Variants in UBE2R2 observed in about 807,000 individuals in gnomAD.
The protein encoded by UBE2R2 is ubiquitin-conjugating enzyme E2 R2.
Under a neutral mutation model 27.8 loss-of-function variants are expected in UBE2R2, and 1 was observed. The observed-to-expected ratio is 0.04, with a 90% CI of 0.01 to 0.17. The LOEUF (loss-of-function observed/expected upper bound fraction) is 0.17, where lower values mean the gene tolerates loss of function less well. Ranked by LOEUF, UBE2R2 falls within the 10% of genes least tolerant of loss-of-function variation. The pLI, the probability that UBE2R2 is intolerant of heterozygous loss-of-function variation, is 1.00. For synonymous variants in UBE2R2, 106 were observed against 113.3 expected (o/e 0.94, Z 0.41); for missense variants, 100 against 291.0 (o/e 0.34, Z 4.78).
At chr9:33,847,540 G>A (rs935714279) in intron 1 of UBE2R2, among the ~76,000 whole-genome samples, 2 of 152,024 alleles carry the variant, frequency 1.3e-5, no homozygotes, top group Non-Finnish European at 2.9e-5. Context: ...TTTCTTTCCT[G>A]CCTTTGGTTC....
chr9:33,899,214 C>T (rs930457737), intron 2 of UBE2R2, among the ~76,000 whole-genome samples: 1 of 147,948 alleles, frequency 6.8e-6, no homozygotes, highest in Non-Finnish European at 1.5e-5. Flanking sequence ...TTATGTTTGT[C>T]TTTTTTTTTT....
In UBE2R2 at chr9:33,817,717, T is replaced by C; in HGVS notation, c.-41T>C. On this transcript the variant is annotated 5_prime_UTR_variant, in exon 1 of 5. Coordinates refer to ENST00000263228, the MANE Select transcript of UBE2R2 (RefSeq NM_017811.4). Reference sequence around the variant, plus strand: ...TCCGGCCCGGCCGGTGCGTGAGGACTGGGGCCCGGGCCCGGCGCCGCCGCC... The same window carrying C: ...TCCGGCCCGGCCGGTGCGTGAGGACCGGGGCCCGGGCCCGGCGCCGCCGCC... 2.1e-6 allele frequency: 3 copies of C among 1,458,482 alleles called. No individual in the cohort carries two copies. Among genetic ancestry groups the C allele is most frequent in the Non-Finnish European group, 1.8e-6 (2 of 1,102,744 alleles). The allele number at this position is 1,458,482 out of a possible 1,614,324, so 90.3% of individuals were successfully genotyped here. A position where few individuals can be genotyped will look rare whatever the true frequency, so the allele number is the denominator to read the frequency against.
chr9:33,887,808 C>G (rs1377677669), intron 2 of UBE2R2, among the ~76,000 whole-genome samples: 1 of 152,184 alleles, frequency 6.6e-6, no homozygotes, highest in Admixed American at 6.5e-5. Flanking sequence ...TTCCGAGTAG[C>G]TGGGATTACA....
At chr9:33,832,170 T>C (rs1454101929) in intron 1 of UBE2R2, among the ~76,000 whole-genome samples, 4 of 150,604 alleles carry the variant, frequency 2.7e-5, no homozygotes, top group Non-Finnish European at 5.9e-5. Flanking sequence ...TAGGCAGGCG[T>C]GGTGGTGCGT....
At chr9:33,898,086 GT>G (rs141810267) in intron 2 of UBE2R2, among the ~76,000 whole-genome samples, 11,956 of 151,154 alleles carry the variant, frequency 0.079, 678 homozygotes, top group Non-Finnish European at 0.12. Flanking sequence ...TCTTCTTTTT[GT>G]TTTTTGTTTT....
chr9:33,833,311 T>G (rs1820540199), intron 1 of UBE2R2, among the ~76,000 whole-genome samples: 1 of 152,186 alleles, frequency 6.6e-6, no homozygotes, highest in Non-Finnish European at 1.5e-5. Flanking sequence ...GTGATCCGCC[T>G]GCCTTGGCCT....
chr9:33,839,397 C>T (rs1249437480), intron 1 of UBE2R2, among the ~76,000 whole-genome samples: 1 of 151,964 alleles, frequency 6.6e-6, no homozygotes, highest in Non-Finnish European at 1.5e-5. Context: ...GCCACCACAC[C>T]TGGCTAATTT....
At chr9:33,869,172 G>A (rs191058523) in intron 1 of UBE2R2, among the ~76,000 whole-genome samples, 4 of 152,226 alleles carry the variant, frequency 2.6e-5, no homozygotes, top group East Asian at 3.9e-4. Flanking sequence ...GGGAGGCTGA[G>A]GTAGGAGGAT....
intron 1 of UBE2R2, among the ~76,000 whole-genome samples, chr9:33,873,316 G>T (rs1001655332): frequency 6.6e-6 from 1 of 151,690 alleles, no homozygotes; most frequent in Non-Finnish European, 1.5e-5. Flanking sequence ...GCACAGCAAT[G>T]GTAAAATGTC....
intron 1 of UBE2R2, among the ~76,000 whole-genome samples, chr9:33,876,005 T>C (rs563743288): frequency 6.6e-5 from 10 of 152,292 alleles, no homozygotes; most frequent in Admixed American, 6.5e-4. Context: ...GTATTAAATA[T>C]GTGTATGAGG....
At chr9:33,818,476 T>G (rs1243806788) in intron 1 of UBE2R2, among the ~76,000 whole-genome samples, 1 of 133,140 alleles carries the variant, frequency 7.5e-6, no homozygotes, top group African/African-American at 2.9e-5. Context: ...GTAGTGGTAG[T>G]GCCAACTTTG....
chr9:33,908,897 G>A (rs1822421923), intron 3 of UBE2R2, among the ~76,000 whole-genome samples: 1 of 152,146 alleles, frequency 6.6e-6, no homozygotes, highest in South Asian at 2.1e-4. Context: ...TTGGGAGGAT[G>A]AGGCAGGATT....
At chr9:33,844,716 G>C (rs988540035) in intron 1 of UBE2R2, among the ~76,000 whole-genome samples, 5 of 151,918 alleles carry the variant, frequency 3.3e-5, no homozygotes, top group African/African-American at 7.3e-5. Context: ...AGCTGTATCA[G>C]TAACATATGT....
chr9:33,855,387 A>G (rs1330181709), intron 1 of UBE2R2, among the ~76,000 whole-genome samples: 1 of 152,176 alleles, frequency 6.6e-6, no homozygotes, highest in Non-Finnish European at 1.5e-5. Context: ...TCAGAATGGT[A>G]TATTTTATCT....
chr9:33,912,249 G>A (rs1440312048), intron 4 of UBE2R2, 151 bp downstream of exon 4: 1 of 752,896 alleles, frequency 1.3e-6, no homozygotes, highest in African/African-American at 1.8e-5. Context: ...TTCTGCCTGA[G>A]CCTAAAGAAC....
chr9:33,891,271 C>T (rs1373424644), intron 2 of UBE2R2, among the ~76,000 whole-genome samples: 5 of 151,912 alleles, frequency 3.3e-5, no homozygotes, highest in South Asian at 2.1e-4. Context: ...GAACTTCTGA[C>T]TTCGTGATCC....
At chr9:33,821,627 T>C (rs1477195440) in intron 1 of UBE2R2, among the ~76,000 whole-genome samples, 2 of 152,098 alleles carry the variant, frequency 1.3e-5, no homozygotes, top group Non-Finnish European at 2.9e-5. Flanking sequence ...AAAATTTTTT[T>C]TTTTTTTGAG....
chr9:33,839,447 A>G (rs1372322419), intron 1 of UBE2R2, among the ~76,000 whole-genome samples: 1 of 151,946 alleles, frequency 6.6e-6, no homozygotes, highest in Non-Finnish European at 1.5e-5. Context: ...CATGATGGCC[A>G]GGCTGGTCTC....
At chr9:33,826,523 C>T (rs1820318291) in intron 1 of UBE2R2, among the ~76,000 whole-genome samples, 1 of 151,740 alleles carries the variant, frequency 6.6e-6, no homozygotes, top group Non-Finnish European at 1.5e-5. Flanking sequence ...ACGGTCAAAC[C>T]CCGTCTCTAC....
Sources: gnomAD v4.1 joint callset for allele counts (sites outside exome capture counted in the v4.1 genomes callset) on GRCh38, gnomAD v4.1.1 for gene constraint, MANE v1.5 for transcripts, NCBI Gene and HGNC (gene_info 2026-07-23, HGNC 2026-07-21) for gene names.